Variants in SESTD1 observed in about 807,000 individuals in gnomAD.
SESTD1 encodes SEC14 and spectrin domain containing 1.
SESTD1 carries 43 observed loss-of-function variants against 101.7 expected under a neutral mutation model. The ratio of observed to expected loss-of-function variants is 0.42; its 90% CI spans 0.33 to 0.55. The LOEUF (loss-of-function observed/expected upper bound fraction) is 0.55. Among genes scored for constraint, SESTD1 ranks in the 20% least tolerant of loss-of-function variants. SESTD1 has a pLI of 0.07. For missense variants in SESTD1, 647 were observed against 815.1 expected (o/e 0.79, Z 2.51); for synonymous variants, 283 against 286.8 (o/e 0.99, Z 0.13).
intron 5 of SESTD1, 65 bp downstream of exon 5, chr2:179,172,055 A>G: frequency 9.0e-7 from 1 of 1,114,100 alleles, no homozygotes; most frequent in Non-Finnish European, 1.3e-6. Flanking sequence ...AACGGTCAAA[A>G]ATAATTTCAG....
chr2:179,144,433 T>C (rs888040624), intron 8 of SESTD1, among the ~76,000 whole-genome samples: 10 of 152,122 alleles, frequency 6.6e-5, no homozygotes, highest in Non-Finnish European at 1.0e-4. Flanking sequence ...TAACGGGCCA[T>C]ACTAGTGTTA....
chr2:179,179,202 T>C (rs1296441504), intron 3 of SESTD1, among the ~76,000 whole-genome samples: 1 of 152,234 alleles, frequency 6.6e-6, no homozygotes, highest in Non-Finnish European at 1.5e-5. Flanking sequence ...AAGCATGTTA[T>C]ACCCTTTATA....
intron 2 of SESTD1, among the ~76,000 whole-genome samples, chr2:179,189,677 G>A (rs948588922): frequency 2.0e-5 from 3 of 152,052 alleles, no homozygotes; most frequent in Non-Finnish European, 4.4e-5. Context: ...CAACCCTAAA[G>A]CCTCCACCAA....
chr2:179,141,521 AATGG>A (rs1194553223), intron 9 of SESTD1, among the ~76,000 whole-genome samples: 7 of 149,542 alleles, frequency 4.7e-5, no homozygotes, highest in Admixed American at 1.3e-4. Context: ...TTTTTTTTTG[AATGG>A]ATGAACTAAT....
At chr2:179,171,374 C>T (rs912420029) in intron 5 of SESTD1, among the ~76,000 whole-genome samples, 5 of 152,010 alleles carry the variant, frequency 3.3e-5, no homozygotes, top group Non-Finnish European at 7.4e-5. Context: ...ATATTGACCT[C>T]GGTAAAAATA....
intron 1 of SESTD1, among the ~76,000 whole-genome samples, chr2:179,230,710 G>A (rs2046974946): frequency 6.6e-6 from 1 of 151,878 alleles, no homozygotes; most frequent in South Asian, 2.1e-4. Flanking sequence ...ATAATTATAT[G>A]AGTAACTGAA....
intron 1 of SESTD1, among the ~76,000 whole-genome samples, chr2:179,255,056 A>C (rs1203146701): frequency 6.6e-6 from 1 of 152,078 alleles, no homozygotes; most frequent in East Asian, 1.9e-4. Flanking sequence ...TGGCGAACTT[A>C]ATCAATACAT....
At chr2:179,262,509 T>A (rs1350572710) in intron 1 of SESTD1, among the ~76,000 whole-genome samples, 1 of 152,176 alleles carries the variant, frequency 6.6e-6, no homozygotes, top group African/African-American at 2.4e-5. Flanking sequence ...TCTACTTTCC[T>A]CAAGAGGTTG....
chr2:179,186,857 T>C (rs1162512622), intron 2 of SESTD1, among the ~76,000 whole-genome samples: 1 of 151,686 alleles, frequency 6.6e-6, no homozygotes, highest in Admixed American at 6.7e-5. Context: ...GCATCAAAAA[T>C]CTTAAAGGAG....
chr2:179,116,653 T>C lies in SESTD1; in HGVS notation c.1647+15A>G. On this transcript the variant is annotated intron_variant, in intron 15 of 17. Coordinates refer to ENST00000428443, the MANE Select transcript of SESTD1 (RefSeq NM_178123.5). ...ACACTGAGCTTGTGGAAAAGGAAGA[T>C]AACCAGTTTTGCACCTGTGCAACAT... is the stretch of plus-strand genomic sequence containing the variant. 6.2e-7 allele frequency: 1 copy of C among 1,614,076 alleles called. No individual in the cohort carries two copies. Among genetic ancestry groups the C allele is most frequent in the Non-Finnish European group, 8.5e-7 (1 of 1,179,966 alleles).
At chr2:179,235,118 C>T (rs2047047850) in intron 1 of SESTD1, among the ~76,000 whole-genome samples, 1 of 152,070 alleles carries the variant, frequency 6.6e-6, no homozygotes, top group Admixed American at 6.6e-5. Flanking sequence ...TTAGGAAATA[C>T]TGCAAAATTT....
chr2:179,226,481 T>C (rs1208787188), intron 1 of SESTD1, among the ~76,000 whole-genome samples: 1 of 152,200 alleles, frequency 6.6e-6, no homozygotes, highest in Admixed American at 6.5e-5. Flanking sequence ...ACTATCACTA[T>C]CACCATTATT....
intron 10 of SESTD1, among the ~76,000 whole-genome samples, chr2:179,126,579 A>G (rs183762675): frequency 3.3e-5 from 5 of 152,290 alleles, no homozygotes. Flanking sequence ...TACCAAATTA[A>G]TATAGGCTTT....
chr2:179,134,161 G>C (rs974790255), intron 9 of SESTD1, among the ~76,000 whole-genome samples: 3 of 135,962 alleles, frequency 2.2e-5, no homozygotes, highest in African/African-American at 7.4e-5. Flanking sequence ...CAAATACCAA[G>C]GGACAACCAT....
At chr2:179,256,530 G>A (rs2047395972) in intron 1 of SESTD1, among the ~76,000 whole-genome samples, 1 of 152,006 alleles carries the variant, frequency 6.6e-6, no homozygotes, top group African/African-American at 2.4e-5. Context: ...TTAACAGATG[G>A]GGCCGGGCAC....
intron 5 of SESTD1, among the ~76,000 whole-genome samples, chr2:179,151,593 T>C (rs1011629045): frequency 6.6e-6 from 1 of 152,118 alleles, no homozygotes; most frequent in Admixed American, 6.5e-5. Flanking sequence ...TTTTTTCTAA[T>C]ACCACATTTT....
intron 5 of SESTD1, among the ~76,000 whole-genome samples, chr2:179,161,759 C>A (rs1392423408): frequency 6.6e-6 from 1 of 151,732 alleles, no homozygotes; most frequent in African/African-American, 2.4e-5. Context: ...TTTTAAAAAA[C>A]CTAGCTGGCT....
chr2:179,117,705 A>T, intron 13 of SESTD1, 92 bp from the exon 14 acceptor site: 1 of 968,994 alleles, frequency 1.0e-6, no homozygotes. Context: ...TTTATAGTAC[A>T]CTAAAATACT....
chr2:179,243,961 TACACACACAC>T (rs1220156890), intron 1 of SESTD1, among the ~76,000 whole-genome samples: 2 of 144,004 alleles, frequency 1.4e-5, no homozygotes, highest in African/African-American at 2.6e-5. Context: ...TATATATATA[TACACACACAC>T]ACACACACAC....
Sources: allele counts gnomAD v4.1 joint callset (sites outside exome capture counted in the v4.1 genomes callset), GRCh38; gene constraint gnomAD v4.1.1; transcripts MANE v1.5; gene names NCBI Gene and HGNC (gene_info 2026-07-23, HGNC 2026-07-21).